The following MAPKBP1 variants were observed in gnomAD, a reference collection of about 807,000 sequenced individuals.
The protein encoded by MAPKBP1 is mitogen-activated protein kinase binding protein 1.
A neutral mutation model predicts 170.5 loss-of-function variants in MAPKBP1; 71 were observed. The ratio of observed to expected loss-of-function variants is 0.42; its 90% CI spans 0.34 to 0.51. MAPKBP1 has a LOEUF of 0.51. Ranked by LOEUF, MAPKBP1 falls within the 20% of genes least tolerant of loss-of-function variation. The probability of loss-of-function intolerance (pLI) is 0.06; values close to 1 mark genes in which losing one functional copy is unlikely to be tolerated. For missense variants in MAPKBP1, 1,598 were observed against 1,933.0 expected (o/e 0.83, Z 3.25); for synonymous variants, 719 against 757.9 (o/e 0.95, Z 0.84).
chr15:41,825,832 G>T lies in MAPKBP1; in HGVS notation c.*396G>T, dbSNP rs1596104404. ...AGCATACACAGGGTACTCTGGGGTC[G>T]AGGTGAGAGGTGATGTGGTATTCAG... On this transcript the variant is annotated 3_prime_UTR_variant, in exon 31 of 31. Coordinates refer to ENST00000457542, the MANE Select transcript of MAPKBP1 (RefSeq NM_014994.3). The T allele has an allele frequency of 6.2e-6, 1 of 161,854 alleles. No individual in the cohort carries two copies. Among genetic ancestry groups the T allele is most frequent in the East Asian group, 1.8e-4 (1 of 5,574 alleles). The allele number at this position is 161,854 out of a possible 1,614,324, so 10.0% of individuals were successfully genotyped here.
At chr15:41,808,684 C>T (rs546294545) in intron 3 of MAPKBP1, among the ~76,000 whole-genome samples, 7 of 150,848 alleles carry the variant, frequency 4.6e-5, no homozygotes, top group African/African-American at 1.7e-4. Flanking sequence ...CCATGTTGGC[C>T]AGCCTGATCT....
chr15:41,817,486 G>T lies in MAPKBP1; in HGVS notation c.1782+28G>T, dbSNP rs2064911499. Reference sequence around the variant, plus strand: ...GAGGGCGCTGGGCTTTCCTGAGAGGGGCGGGACAGGGCGGGGTCTGCCATT... The same window carrying T: ...GAGGGCGCTGGGCTTTCCTGAGAGGTGCGGGACAGGGCGGGGTCTGCCATT... On this transcript the variant is annotated intron_variant, in intron 15 of 30. Transcript: ENST00000457542. This position sits in a 1 kb window ranked among gnomAD's most constrained non-coding sequence, Gnocchi z 4.2. 1.9e-6 allele frequency: 3 copies of T among 1,612,772 alleles called. No homozygotes were observed. The highest frequency in any genetic ancestry group is 2.2e-5 in the East Asian group (1 of 44,874).
At chr15:41,812,212 T>C in intron 6 of MAPKBP1, 85 bp downstream of exon 6, 1 of 1,519,860 alleles carries the variant, frequency 6.6e-7, no homozygotes, top group East Asian at 2.3e-5. Context: ...CCTGCACTGC[T>C]CCATTCCACC....
Position 41,813,692 on chromosome 15 carries a change from C to A in MAPKBP1, c.891C>A (p.Arg297=). The A allele has an allele frequency of 6.2e-7, 1 of 1,614,054 alleles. No homozygotes were observed. The highest frequency in any genetic ancestry group is 8.5e-7 in the Non-Finnish European group (1 of 1,179,994). ...GTGGCTGTGCTGATGGCACCGTGCG[C>A]CTTTTCAACCCCTCTAACCTGCACT... ...IFCGCADGTV[R]LFNPSNLHFL... is the part of the protein sequence containing the mutation. Residue 297 remains arginine, a synonymous_variant, in exon 9 of 31, where the codon CGC becomes CGA. Coordinates refer to ENST00000457542, the MANE Select transcript of MAPKBP1 (RefSeq NM_014994.3).
intron 3 of MAPKBP1, among the ~76,000 whole-genome samples, chr15:41,801,332 G>A (rs1382789697): frequency 6.6e-6 from 1 of 152,146 alleles, no homozygotes; most frequent in Non-Finnish European, 1.5e-5. Flanking sequence ...GTTTCTTCAG[G>A]CTTCTGGAGA....
At chr15:41,784,167 G>A (rs1432168407) in intron 2 of MAPKBP1, among the ~76,000 whole-genome samples, 1 of 152,170 alleles carries the variant, frequency 6.6e-6, no homozygotes, top group East Asian at 1.9e-4. Flanking sequence ...ATCTTTGTAT[G>A]CCATGATTGT....
At chr15:41,805,448 T>C (rs2064673713) in intron 3 of MAPKBP1, among the ~76,000 whole-genome samples, 1 of 152,158 alleles carries the variant, frequency 6.6e-6, no homozygotes, top group Non-Finnish European at 1.5e-5. Context: ...TGAGAATGGG[T>C]TTCTCCTGGC....
Position 41,821,654 on chromosome 15 carries a change from A to G in MAPKBP1, c.2789A>G (p.Gln930Arg). 6.2e-7 allele frequency: 1 copy of G among 1,614,078 alleles called. No homozygotes were observed. Among genetic ancestry groups the G allele is most frequent in the Non-Finnish European group, 8.5e-7 (1 of 1,179,994 alleles). Residue 930 changes from glutamine to arginine, a missense_variant, in exon 24 of 31, where the codon CAA becomes CGA. Coordinates refer to ENST00000457542, the MANE Select transcript of MAPKBP1 (RefSeq NM_014994.3). ...CCCCATATTATCCGATTATTGTCAC[A>G]AGAGGAAGGGGTCTTTGCCCAAGAT... is the stretch of plus-strand genomic sequence containing the variant. ...SYPHIIRLLS[Q>R]EEGVFAQDLE... is the part of the protein sequence containing the mutation.
At position 41,821,786 on chromosome 15, in the gene MAPKBP1, G is replaced by A. The variant is rs370597630; in HGVS notation, c.2885+36G>A. On this transcript the variant is annotated intron_variant, in intron 24 of 30. Coordinates refer to ENST00000457542, the MANE Select transcript of MAPKBP1 (RefSeq NM_014994.3). Reference sequence around the variant, plus strand: ...TGCCCTAGCCAGACCCCGTGCCCCCGTCTTCCCCTCCCTATGAGTGTTCTT... The same window carrying A: ...TGCCCTAGCCAGACCCCGTGCCCCCATCTTCCCCTCCCTATGAGTGTTCTT... The A allele has an allele frequency of 2.2e-5, 35 of 1,605,148 alleles. No individual in the cohort carries two copies. In the African/African-American group the frequency reaches 2.2e-4, roughly 10 times the overall value.
At chr15:41,803,726 A>C (rs963402013) in intron 3 of MAPKBP1, among the ~76,000 whole-genome samples, 2 of 152,140 alleles carry the variant, frequency 1.3e-5, no homozygotes, top group Non-Finnish European at 2.9e-5. Context: ...TAAAAAAACC[A>C]AAAGGGTTAA....
intron 2 of MAPKBP1, among the ~76,000 whole-genome samples, chr15:41,791,254 CAG>C (rs35923996): frequency 0.2 from 30,875 of 152,018 alleles, 3,846 homozygotes; most frequent in East Asian, 0.7. Context: ...GCAACAAAAA[CAG>C]ATCTTTTTCC....
At chr15:41,793,773 A>G (rs1437894405) in intron 2 of MAPKBP1, among the ~76,000 whole-genome samples, 1 of 152,172 alleles carries the variant, frequency 6.6e-6, no homozygotes, top group Non-Finnish European at 1.5e-5. Flanking sequence ...CTACATATTC[A>G]GTGAAGGTCA....
chr15:41,777,505 G>T (rs980527680), intron 2 of MAPKBP1, among the ~76,000 whole-genome samples: 3 of 152,192 alleles, frequency 2.0e-5, no homozygotes, highest in Non-Finnish European at 2.9e-5. Context: ...GCTTCAGACT[G>T]CTTTAGATGG....
At chr15:41,820,796 G>A (rs1309811118) in intron 22 of MAPKBP1, 36 bp from the exon 23 acceptor site, 2 of 1,493,888 alleles carry the variant, frequency 1.3e-6, no homozygotes, top group Admixed American at 3.4e-5. Context: ...CTGTGTGGTT[G>A]TTGTTACTCC....
At chr15:41,822,164 T>C (rs1197436741) in intron 25 of MAPKBP1, 54 bp downstream of exon 25, 1 of 1,096,576 alleles carries the variant, frequency 9.1e-7, no homozygotes, top group Non-Finnish European at 1.4e-6. Flanking sequence ...TGGAGGTGGG[T>C]GGGGAGGCTC....
chr15:41,785,754 A>G (rs1404101546), intron 2 of MAPKBP1, among the ~76,000 whole-genome samples: 1 of 152,196 alleles, frequency 6.6e-6, no homozygotes, highest in Admixed American at 6.5e-5. Context: ...TGAAGATGTG[A>G]AGATATAGGT....
chr15:41,825,389 G>T lies in MAPKBP1; in HGVS notation c.4480G>T (p.Glu1494Ter). The T allele has an allele frequency of 6.2e-7, 1 of 1,613,242 alleles. No individual in the cohort carries two copies. Among genetic ancestry groups the T allele is most frequent in the Non-Finnish European group, 8.5e-7 (1 of 1,179,736 alleles). Residue 1494 changes from glutamate to a stop codon, truncating the protein, a stop_gained, in exon 31 of 31, where the codon GAA (glutamate) becomes TAA (stop). Coordinates refer to ENST00000457542, the MANE Select transcript of MAPKBP1 (RefSeq NM_014994.3). LOFTEE classifies it high-confidence loss of function. ...QTQALLEQYS[E>*]LLLRAVERRM... is the part of the protein sequence containing the mutation. ...ACAGGCCCTGCTGGAGCAATACTCAGAACTGTTGCTTCGAGCCGTGGAACG... is the reference window on the plus strand; with the variant it reads ...ACAGGCCCTGCTGGAGCAATACTCATAACTGTTGCTTCGAGCCGTGGAACG...
chr15:41,817,872 C>A lies in MAPKBP1; in HGVS notation c.1904+137C>A. The A allele has an allele frequency of 6.5e-7, 1 of 1,539,622 alleles. No individual in the cohort carries two copies. The highest frequency in any genetic ancestry group is 2.2e-5 in the East Asian group (1 of 44,510). The stretch of plus-strand genomic sequence containing the variant: ...TGAGCCTACAGTACTTTGCTTCACC[C>A]AAGAGGTGGTAGCCTGTTTGCTGCT... On this transcript the variant is annotated intron_variant, in intron 16 of 30. Transcript: ENST00000457542. The surrounding 1 kb of genome is among the most constrained non-coding windows in gnomAD (Gnocchi z 4.2).
At chr15:41,788,241 C>T (rs2064334793) in intron 2 of MAPKBP1, among the ~76,000 whole-genome samples, 1 of 152,134 alleles carries the variant, frequency 6.6e-6, no homozygotes, top group Non-Finnish European at 1.5e-5. Context: ...CAGGGGTCAG[C>T]CACCGCACCC....
Sources: gnomAD v4.1 joint callset for allele counts (sites outside exome capture counted in the v4.1 genomes callset) on GRCh38, gnomAD v4.1.1 for gene constraint, Gnocchi (gnomAD v3.1) non-coding constraint, MANE v1.5 for transcripts, NCBI Gene and HGNC (gene_info 2026-07-23, HGNC 2026-07-21) for gene names.